Variants in CDKL5 observed in about 807,000 individuals in gnomAD.
CDKL5 encodes cyclin dependent kinase like 5.
In CDKL5, 8 loss-of-function variants were observed where a neutral mutation model predicts 61.7. The observed-to-expected ratio is 0.13, with a 90% confidence interval of 0.08 to 0.23. CDKL5 has a LOEUF of 0.23. CDKL5 is among the 10% of genes least tolerant of loss of function. The pLI is 1.00. For missense variants in CDKL5, 440 were observed against 734.5 expected (o/e 0.60, Z 4.63); for synonymous variants, 275 against 272.3 (o/e 1.01, Z -0.10).
Position 18,520,671 on chromosome X carries a change from C to A in CDKL5, c.99+9817C>A, listed in dbSNP as rs139877078. Among the ~76,000 whole-genome samples, 20 of 111,907 alleles carry A rather than the reference C, an allele frequency of 1.8e-4. No individual in the cohort carries two copies. The South Asian group carries it at 3.0e-3, about 17-fold the overall frequency. ...CTTAAACTGTTTTCCACAGCAGCTGCCCTCCTTTACATTCCCACCAGCAAT... is the reference window on the plus strand; with the variant it reads ...CTTAAACTGTTTTCCACAGCAGCTGACCTCCTTTACATTCCCACCAGCAAT... On this transcript the variant is annotated intron_variant, in intron 3 of 17. Transcript: ENST00000623535.
chrX:18,519,393 A>G lies in CDKL5; in HGVS notation c.99+8539A>G, dbSNP rs775783553. On this transcript the variant is annotated intron_variant, in intron 3 of 17. Coordinates refer to ENST00000623535, the MANE Select transcript of CDKL5 (RefSeq NM_001323289.2). ...CCCTAACTAGGAGAATATTGTGGGA[A>G]CAGCGTAGTGGCCTTAGTGAACCAC... Among the ~76,000 whole-genome samples, 70 of 112,088 alleles carry G rather than the reference A, an allele frequency of 6.2e-4. 1 individual carries two copies. Among genetic ancestry groups the G allele is most frequent in the African/African-American group, 2.2e-3 (68 of 30,884 alleles).
At chrX:18,592,183 C>G (rs1172374837) in intron 9 of CDKL5, among the ~76,000 whole-genome samples, 2 of 112,070 alleles carry the variant, frequency 1.8e-5, no homozygotes, top group Non-Finnish European at 3.8e-5. Context: ...TAATAACTTA[C>G]AAACTAGCTG....
intron 1 of CDKL5, among the ~76,000 whole-genome samples, chrX:18,435,861 G>T (rs933648203): frequency 1.2e-4 from 13 of 111,203 alleles, no homozygotes; most frequent in African/African-American, 4.2e-4. Flanking sequence ...GCCGGCCAAA[G>T]AATTTAGTCT....
chrX:18,483,711 C>A (rs764252648), intron 1 of CDKL5, among the ~76,000 whole-genome samples: 1 of 111,031 alleles, frequency 9.0e-6, no homozygotes, highest in Non-Finnish European at 1.9e-5. Flanking sequence ...TGAGCCACCT[C>A]ACCTGGCCTC....
rs751789670 is a variant in CDKL5, at chrX:18,604,472, C to T, written c.1548C>T (p.Tyr516=). ...TTGCGGAGCCCAGTACCAGTAGGTA[C>T]TTCCCATCTAGCTGCTTAGACTTGA... ...AQIAEPSTSR[Y]FPSSCLDLNS... The change falls in exon 12 of 18, where the codon TAC becomes TAT. Residue 516 remains tyrosine (Y), a synonymous_variant. Coordinates refer to ENST00000623535, the MANE Select transcript of CDKL5 (RefSeq NM_001323289.2). The T allele has an allele frequency of 2.2e-4, 263 of 1,209,935 alleles. 1 individual carries two copies. Among genetic ancestry groups the T allele is most frequent in the Non-Finnish European group, 2.8e-5 (25 of 895,194 alleles).
chrX:18,466,659 C>T (rs1032253455), intron 1 of CDKL5, among the ~76,000 whole-genome samples: 2 of 111,189 alleles, frequency 1.8e-5, no homozygotes, highest in Non-Finnish European at 3.8e-5. Flanking sequence ...TACAGGCACC[C>T]GCCACCACGC....
At chrX:18,593,738 A>G (rs1209458517) in intron 9 of CDKL5, among the ~76,000 whole-genome samples, 1 of 112,546 alleles carries the variant, frequency 8.9e-6, no homozygotes, top group East Asian at 2.8e-4. Context: ...TGCCTCGCAT[A>G]ACATCACTTC....
intron 3 of CDKL5, among the ~76,000 whole-genome samples, chrX:18,544,956 A>G (rs1924140534): frequency 9.0e-6 from 1 of 111,677 alleles, no homozygotes; most frequent in Non-Finnish European, 1.9e-5. Flanking sequence ...GGCCAAGTGC[A>G]GTGGCTCACA....
At chrX:18,585,784 T>C (rs1225745138) in intron 8 of CDKL5, among the ~76,000 whole-genome samples, 2 of 112,264 alleles carry the variant, frequency 1.8e-5, no homozygotes, top group Non-Finnish European at 3.8e-5. Context: ...AAATTAGATA[T>C]AGTGATAATG....
At chrX:18,436,897 CAAAAAAAAA>C (rs60845430) in intron 1 of CDKL5, among the ~76,000 whole-genome samples, 3 of 15,810 alleles carry the variant, frequency 1.9e-4, no homozygotes, top group South Asian at 4.2e-3. Flanking sequence ...ACTCTTGACT[CAAAAAAAAA>C]AAAAAAAAAA....
At chrX:18,481,320 GTTTCTTTCTTTC>G (rs201816691) in intron 1 of CDKL5, among the ~76,000 whole-genome samples, 3,110 of 84,560 alleles carry the variant, frequency 0.037, 101 homozygotes, top group African/African-American at 0.083. Flanking sequence ...AAGAGTCCTG[GTTTCTTTCTTTC>G]TTTCTTTCTT....
chrX:18,548,716 T>A (rs1476122283), intron 3 of CDKL5, among the ~76,000 whole-genome samples: 3 of 111,885 alleles, frequency 2.7e-5, no homozygotes, highest in Non-Finnish European at 5.6e-5. Flanking sequence ...GTTCTATACG[T>A]CACAGTCTTT....
chrX:18,542,820 A>G (rs182804566), intron 3 of CDKL5, among the ~76,000 whole-genome samples: 1 of 110,538 alleles, frequency 9.0e-6, no homozygotes, highest in African/African-American at 3.3e-5. Context: ...CCTCCGCAAA[A>G]GCTCCACTTT....
At chrX:18,577,563 C>G (rs867582244) in intron 5 of CDKL5, among the ~76,000 whole-genome samples, 48 of 112,430 alleles carry the variant, frequency 4.3e-4, no homozygotes, top group Middle Eastern at 9.2e-3. Flanking sequence ...ACTAGTGTGG[C>G]AGCTCTGCTC....
At chrX:18,651,169 C>G (rs1928015438) in intron 21 of CDKL5, among the ~76,000 whole-genome samples, 1 of 94,002 alleles carries the variant, frequency 1.1e-5, no homozygotes, top group Non-Finnish European at 2.1e-5. Flanking sequence ...ATGAGGCCAG[C>G]TTCATGTGAC....
At chrX:18,477,181 GT>G (rs1379815106) in intron 1 of CDKL5, among the ~76,000 whole-genome samples, 4 of 109,357 alleles carry the variant, frequency 3.7e-5, no homozygotes, top group African/African-American at 1.3e-4. Context: ...ATTCTCCTGT[GT>G]CAGCCTCCCG....
At chrX:18,479,319 T>C (rs969056345) in intron 1 of CDKL5, among the ~76,000 whole-genome samples, 4 of 92,567 alleles carry the variant, frequency 4.3e-5, no homozygotes, top group African/African-American at 1.2e-4. Context: ...TATTTCTTTT[T>C]TTTTTTTTTT....
chrX:18,577,749 A>C (rs747023478), intron 5 of CDKL5, among the ~76,000 whole-genome samples: 64 of 112,059 alleles, frequency 5.7e-4, no homozygotes, highest in Non-Finnish European at 1.0e-3. Context: ...GGAAGACTGG[A>C]TACTGGAGGA....
Position 18,634,955 on chromosome X carries a change from T to C in CDKL5, c.*6198T>C. ...AAAATAGGGATAAGCCAGAATGATGTGACATCTAGTATGTGGTAGATGAAG... is the reference window on the plus strand; with the variant it reads ...AAAATAGGGATAAGCCAGAATGATGCGACATCTAGTATGTGGTAGATGAAG... On this transcript the variant is annotated 3_prime_UTR_variant, in exon 18 of 18. Transcript: ENST00000623535. 1 of 742,169 alleles carries C rather than the reference T, an allele frequency of 1.3e-6. No individual in the cohort carries two copies. Among genetic ancestry groups the C allele is most frequent in the Non-Finnish European group, 1.6e-6 (1 of 631,425 alleles). 61.2% of individuals were successfully genotyped at this position (742,169 alleles called of 1,213,427 possible). A position where few individuals can be genotyped will look rare whatever the true frequency, so the allele number is the denominator to read the frequency against.
Sources: gnomAD v4.1 joint callset for allele counts (sites outside exome capture counted in the v4.1 genomes callset) on GRCh38, gnomAD v4.1.1 for gene constraint, MANE v1.5 for transcripts, NCBI Gene and HGNC (gene_info 2026-07-23, HGNC 2026-07-21) for gene names.